Variants in MEGF11 observed in about 807,000 individuals in gnomAD.
MEGF11 encodes the protein multiple epidermal growth factor-like domains protein 11.
MEGF11 carries 126 observed loss-of-function variants against 146.6 expected under a neutral mutation model. The ratio of observed to expected loss-of-function variants is 0.86; its 90% CI spans 0.74 to 1.00. The LOEUF is 1.00. Ranked by LOEUF, MEGF11 falls within the 50% of genes least tolerant of loss-of-function variation. The pLI is 0.00. For synonymous variants in MEGF11, 532 were observed against 583.4 expected (o/e 0.91, Z 1.27); for missense variants, 1,509 against 1,521.2 (o/e 0.99, Z 0.13).
intron 7 of MEGF11, among the ~76,000 whole-genome samples, chr15:65,976,441 TG>T (rs888971294): frequency 6.6e-6 from 1 of 152,094 alleles, no homozygotes; most frequent in South Asian, 2.1e-4. Flanking sequence ...TGAGGTCATA[TG>T]GGGGGGCTCT....
Position 65,896,345 on chromosome 15 carries a change from C to G in MEGF11, c.*1589G>C, listed in dbSNP as rs987651915. ...GTGATGTGGGAAGGGGAGATGTACT[C>G]ATTTATTTATTTTTTTGCTTTTTCT... is the stretch of plus-strand genomic sequence containing the variant. On this transcript the variant is annotated 3_prime_UTR_variant, in exon 26 of 26. Transcript: ENST00000395614. 1.3e-5 allele frequency: 2 copies of G among 152,600 alleles called. No homozygotes were observed. The highest frequency in any genetic ancestry group is 2.9e-5 in the Non-Finnish European group (2 of 68,046). The allele number at this position is 152,600 out of a possible 1,614,324, so 9.5% of individuals were successfully genotyped here.
chr15:66,070,006 G>GT (rs1311911938), intron 5 of MEGF11, among the ~76,000 whole-genome samples: 3 of 152,204 alleles, frequency 2.0e-5, no homozygotes, highest in African/African-American at 7.2e-5. Context: ...AAGAAAACTG[G>GT]TTTAATTAGG....
intron 5 of MEGF11, among the ~76,000 whole-genome samples, chr15:66,045,929 C>G (rs1371235002): frequency 6.6e-6 from 1 of 152,026 alleles, no homozygotes; most frequent in Non-Finnish European, 1.5e-5. Context: ...ATGGTGAAAT[C>G]CTGTCTCTAC....
intron 1 of MEGF11, among the ~76,000 whole-genome samples, chr15:66,205,491 G>A (rs2091277810): frequency 6.6e-6 from 1 of 152,152 alleles, no homozygotes; most frequent in East Asian, 1.9e-4. Flanking sequence ...AACACCAACT[G>A]TGGGCCCACA....
intron 10 of MEGF11, among the ~76,000 whole-genome samples, chr15:65,950,450 C>T (rs1023532783): frequency 6.6e-6 from 1 of 152,032 alleles, no homozygotes; most frequent in African/African-American, 2.4e-5. Context: ...TGATGGCGTG[C>T]ACCTGTAGAC....
chr15:66,002,539 C>G (rs1311820976), intron 5 of MEGF11, among the ~76,000 whole-genome samples: 3 of 152,204 alleles, frequency 2.0e-5, no homozygotes, highest in Non-Finnish European at 4.4e-5. Flanking sequence ...ACCAATGGAC[C>G]TGGGTCAAGT....
intron 1 of MEGF11, among the ~76,000 whole-genome samples, chr15:66,219,185 G>T (rs1386994013): frequency 1.3e-5 from 2 of 151,918 alleles, no homozygotes; most frequent in African/African-American, 4.8e-5. Context: ...CACCAAAAGT[G>T]CAATCCATAA....
Position 65,929,822 on chromosome 15 carries a change from G to T in MEGF11, c.1470C>A (p.Asn490Lys), listed in dbSNP as rs149356572. The T allele has an allele frequency of 2.5e-6, 4 of 1,587,452 alleles. No individual in the cohort carries two copies. Among genetic ancestry groups the T allele is most frequent in the Non-Finnish European group, 3.4e-6 (4 of 1,167,074 alleles). ...CCCCATTGGCACAGGTGCAGCTCTC[G>T]TTGCAGTTCAGGCCCCACGTCCCAC... is the stretch of plus-strand genomic sequence containing the variant. ...CPSGTWGLNCNESCTCANGAA... is the reference protein window; with the variant it reads ...CPSGTWGLNCKESCTCANGAA... The change falls in exon 12 of 26, where the codon AAC becomes AAA. Residue 490 changes from asparagine to lysine, a missense_variant. Coordinates refer to ENST00000395614, the MANE Select transcript of MEGF11 (RefSeq NM_001385028.1).
chr15:65,908,968 G>A, intron 23 of MEGF11, 66 bp downstream of exon 23: 1 of 1,004,786 alleles, frequency 1.0e-6, no homozygotes, highest in Admixed American at 2.0e-5. Flanking sequence ...GTGCAGGGAT[G>A]GGGATTAGGG....
chr15:66,248,229 T>C (rs1405631090), intron 1 of MEGF11, among the ~76,000 whole-genome samples: 1 of 152,162 alleles, frequency 6.6e-6, no homozygotes, highest in Non-Finnish European at 1.5e-5. Flanking sequence ...ATGAAAAGCA[T>C]CCGGATCTTT....
Position 66,068,777 on chromosome 15 carries a change from G to A in MEGF11, c.394+25625C>T, listed in dbSNP as rs1246944816. Among the ~76,000 whole-genome samples, 8 of 152,340 alleles carry A rather than the reference G, an allele frequency of 5.3e-5. No individual in the cohort carries two copies. The East Asian group carries it at 1.2e-3, about 22-fold the overall frequency. On this transcript the variant is annotated intron_variant, in intron 5 of 25. Transcript: ENST00000395614. Reference sequence around the variant, plus strand: ...GAGGTCATACTGAAATGAGGGTGCTGGTCATGGGGGAGAGTGGGTAGCCAG... The same window carrying A: ...GAGGTCATACTGAAATGAGGGTGCTAGTCATGGGGGAGAGTGGGTAGCCAG...
intron 10 of MEGF11, among the ~76,000 whole-genome samples, chr15:65,951,907 C>G (rs2080417102): frequency 6.6e-6 from 1 of 151,706 alleles, no homozygotes; most frequent in Non-Finnish European, 1.5e-5. Flanking sequence ...GAGTCTGATG[C>G]AGGAGGATCA....
At position 65,980,869 on chromosome 15, in the gene MEGF11, T is replaced by A. The variant is rs1164558101; in HGVS notation, c.671A>T (p.His224Leu). 3.1e-6 allele frequency: 5 copies of A among 1,593,572 alleles called. No homozygotes were observed. Among genetic ancestry groups the A allele is most frequent in the Non-Finnish European group, 4.3e-6 (5 of 1,170,818 alleles). ...GCAGCGCAGCTCACAGTGAGCTCCATGGCTCCCAGGAGGGCACAGCTCCTC... is the reference window on the plus strand; with the variant it reads ...GCAGCGCAGCTCACAGTGAGCTCCAAGGCTCCCAGGAGGGCACAGCTCCTC... The part of the protein sequence containing the change: ...YCEELCPPGS[H>L]GAHCELRCPC... The change falls in exon 7 of 26, where the codon CAT (histidine) becomes CTT (leucine). Residue 224 changes from histidine (H) to leucine (L), a missense_variant. By Grantham distance (99) the His-to-Leu change is moderately conservative (BLOSUM62 -3). Coordinates refer to ENST00000395614, the MANE Select transcript of MEGF11 (RefSeq NM_001385028.1).
At chr15:66,128,432 G>T in intron 1 of MEGF11, 21 bp from the exon 2 acceptor site, 1 of 1,384,122 alleles carries the variant, frequency 7.2e-7, no homozygotes, top group Non-Finnish European at 9.5e-7. Context: ...GAACAAAGGA[G>T]GCTGCGTCTG....
chr15:66,030,707 G>T (rs1476544057), intron 5 of MEGF11, among the ~76,000 whole-genome samples: 2 of 152,156 alleles, frequency 1.3e-5, no homozygotes, highest in Non-Finnish European at 2.9e-5. Context: ...ACTGTGCCCT[G>T]CCACCCCTCA....
chr15:66,079,035 C>T (rs918836913), intron 5 of MEGF11, among the ~76,000 whole-genome samples: 2 of 152,198 alleles, frequency 1.3e-5, no homozygotes, highest in African/African-American at 4.8e-5. Flanking sequence ...CCCTGCCTCA[C>T]CCCCACCTCC....
chr15:66,031,562 G>A (rs189183547), intron 5 of MEGF11, among the ~76,000 whole-genome samples: 40 of 152,308 alleles, frequency 2.6e-4, no homozygotes, highest in African/African-American at 8.2e-4. Context: ...AGGAATTTAC[G>A]TGGGGGGATG....
intron 4 of MEGF11, among the ~76,000 whole-genome samples, chr15:66,116,420 C>G (rs888680678): frequency 6.6e-6 from 1 of 152,248 alleles, no homozygotes; most frequent in Middle Eastern, 3.4e-3. Context: ...GCTTGAAACA[C>G]CTTTCTAGTA....
At chr15:66,219,969 T>A (rs542485581) in intron 1 of MEGF11, among the ~76,000 whole-genome samples, 6 of 152,188 alleles carry the variant, frequency 3.9e-5, no homozygotes, top group Non-Finnish European at 8.8e-5. Context: ...AATGTGACTT[T>A]ATTTGGAAAT....
Sources: allele counts gnomAD v4.1 joint callset (sites outside exome capture counted in the v4.1 genomes callset), GRCh38; gene constraint gnomAD v4.1.1; transcripts MANE v1.5; gene names NCBI Gene and HGNC (gene_info 2026-07-23, HGNC 2026-07-21).